Variants in CLASP2 observed in about 807,000 individuals in gnomAD.
CLASP2 encodes the protein CLIP-associating protein 2.
Under a neutral mutation model 194.4 loss-of-function variants are expected in CLASP2, and 47 were observed. The observed-to-expected ratio is 0.24, with a 90% CI of 0.19 to 0.31. The LOEUF is 0.31. CLASP2 is among the 10% of genes least tolerant of loss of function. CLASP2 has a pLI of 1.00. For synonymous variants in CLASP2, 619 were observed against 633.5 expected, an observed-to-expected ratio of 0.98 and a Z score of 0.34; for missense variants, 1,445 against 1,823.6, an observed-to-expected ratio of 0.79 and a Z score of 3.78.
rs1400769457 is a variant in CLASP2, at chr3:33,709,187, T to C, written c.195+8621A>G. ...CAAAAAATCACTGCCAAGACCAAAG[T>C]CAAGGATATTTCCCCCTATGTTTTC... On this transcript the variant is annotated intron_variant, in intron 1 of 38. Transcript: ENST00000682230. Among the ~76,000 whole-genome samples the C allele has an allele frequency of 4.9e-4, 74 of 152,222 alleles. 1 individual carries two copies. The highest frequency in any genetic ancestry group is 4.8e-3 in the Admixed American group (74 of 15,274).
At chr3:33,710,766 C>G (rs973190066) in intron 1 of CLASP2, among the ~76,000 whole-genome samples, 1 of 152,152 alleles carries the variant, frequency 6.6e-6, no homozygotes, top group African/African-American at 2.4e-5. Flanking sequence ...GAAACCCCGT[C>G]TCTACTAAAA....
chr3:33,717,752 G>T, intron 1 of CLASP2, 56 bp downstream of exon 1: 1 of 1,532,506 alleles, frequency 6.5e-7, no homozygotes, highest in Non-Finnish European at 8.8e-7. Context: ...TCGCGTCCGG[G>T]ATTAAAGGGC....
chr3:33,681,658 A>T (rs1011450337), intron 6 of CLASP2, among the ~76,000 whole-genome samples: 1 of 152,366 alleles, frequency 6.6e-6, no homozygotes, highest in African/African-American at 2.4e-5. Flanking sequence ...GAGTACATAA[A>T]GGTTTTAAAA....
At chr3:33,706,535 T>C (rs2092692790) in intron 1 of CLASP2, among the ~76,000 whole-genome samples, 1 of 152,144 alleles carries the variant, frequency 6.6e-6, no homozygotes, top group South Asian at 2.1e-4. Context: ...AAAAATACAG[T>C]TAACAGTCTT....
chr3:33,573,387 C>G, intron 24 of CLASP2, 33 bp from the exon 25 acceptor site: 4 of 1,604,580 alleles, frequency 2.5e-6, no homozygotes, highest in East Asian at 2.2e-5. Flanking sequence ...TTAGCAGTAG[C>G]CAAAAGAATA....
chr3:33,544,949 C>T (rs1559954335), intron 30 of CLASP2, 108 bp from the exon 31 acceptor site: 2 of 706,526 alleles, frequency 2.8e-6, no homozygotes, highest in Non-Finnish European at 2.1e-6. Context: ...CCATCTTTCC[C>T]AGGGAAAAGG....
Position 33,597,845 on chromosome 3 carries a change from C to G in CLASP2, c.1925-1111G>C, listed in dbSNP as rs9836275. Among the ~76,000 whole-genome samples the G allele has an allele frequency of 5.1e-3, 778 of 151,998 alleles. 9 individuals are homozygous for G. Among genetic ancestry groups the G allele is most frequent in the African/African-American group, 0.018 (757 of 41,448 alleles). On this transcript the variant is annotated intron_variant, in intron 18 of 38. Transcript: ENST00000682230. Reference sequence around the variant, plus strand: ...TCATCTCACTGCAGCCTCCACCTCCCAGGTTCAAGTGATTCTTGTGCCTCA... The same window carrying G: ...TCATCTCACTGCAGCCTCCACCTCCGAGGTTCAAGTGATTCTTGTGCCTCA...
chr3:33,642,811 G>C (rs1338392515), intron 8 of CLASP2, among the ~76,000 whole-genome samples: 1 of 151,132 alleles, frequency 6.6e-6, no homozygotes, highest in African/African-American at 2.4e-5. Context: ...TTCTTAGATA[G>C]AAAAATGGGC....
chr3:33,525,485 C>G (rs950685021), intron 34 of CLASP2, among the ~76,000 whole-genome samples: 1 of 152,010 alleles, frequency 6.6e-6, no homozygotes, highest in Non-Finnish European at 1.5e-5. Flanking sequence ...TAAGACAGGA[C>G]AGCAGCCCAC....
At chr3:33,708,322 T>G (rs1488058280) in intron 1 of CLASP2, among the ~76,000 whole-genome samples, 1 of 150,830 alleles carries the variant, frequency 6.6e-6, no homozygotes, top group African/African-American at 2.4e-5. Context: ...AAAAGTAAGA[T>G]CATGCCATAT....
intron 1 of CLASP2, among the ~76,000 whole-genome samples, chr3:33,705,302 G>A (rs1333416360): frequency 6.6e-6 from 1 of 152,156 alleles, no homozygotes; most frequent in African/African-American, 2.4e-5. Flanking sequence ...GAGGCTACAT[G>A]TTATATGGTT....
At chr3:33,676,824 T>C (rs1429566477) in intron 6 of CLASP2, among the ~76,000 whole-genome samples, 4 of 152,214 alleles carry the variant, frequency 2.6e-5, no homozygotes, top group African/African-American at 9.6e-5. Flanking sequence ...GGCTAATATC[T>C]AGAATCTACA....
intron 20 of CLASP2, 86 bp downstream of exon 20, chr3:33,594,865 C>T (rs1444523882): frequency 3.0e-6 from 2 of 674,136 alleles, no homozygotes; most frequent in Non-Finnish European, 4.4e-6. Context: ...AGAAATTAGC[C>T]TATTTTAGTT....
chr3:33,535,974 T>C (rs58799216), intron 33 of CLASP2, among the ~76,000 whole-genome samples: 188 of 150,418 alleles, frequency 1.2e-3, no homozygotes, highest in African/African-American at 4.5e-3. Flanking sequence ...TTTGGAAGGA[T>C]GCCAAAAGAA....
chr3:33,540,228 C>A (rs1042330455), intron 32 of CLASP2, among the ~76,000 whole-genome samples: 2 of 123,184 alleles, frequency 1.6e-5, no homozygotes, highest in African/African-American at 6.1e-5. Flanking sequence ...CTGTGACTGG[C>A]CAAATTTTTT....
intron 6 of CLASP2, among the ~76,000 whole-genome samples, chr3:33,675,726 A>C (rs1476169620): frequency 2.1e-5 from 3 of 143,916 alleles, no homozygotes; most frequent in African/African-American, 7.5e-5. Context: ...GTTGATAAGC[A>C]ACTTCAGCAA....
chr3:33,571,706 C>T (rs917884398), intron 25 of CLASP2, among the ~76,000 whole-genome samples: 17 of 151,550 alleles, frequency 1.1e-4, no homozygotes, highest in African/African-American at 3.1e-4. Flanking sequence ...GTACCAGCTA[C>T]GTGGGAGGGT....
chr3:33,716,549 G>T (rs911811955), intron 1 of CLASP2, among the ~76,000 whole-genome samples: 8 of 152,316 alleles, frequency 5.3e-5, no homozygotes, highest in Admixed American at 5.2e-4. Flanking sequence ...TTCTACAACA[G>T]TCTATGCTGT....
At chr3:33,640,488 A>G (rs2081074774) in intron 8 of CLASP2, among the ~76,000 whole-genome samples, 1 of 152,210 alleles carries the variant, frequency 6.6e-6, no homozygotes. Flanking sequence ...AGTCTTTGAC[A>G]TTAGATAGAA....
Sources: gnomAD v4.1 joint callset for allele counts (sites outside exome capture counted in the v4.1 genomes callset) on GRCh38, gnomAD v4.1.1 for gene constraint, MANE v1.5 for transcripts, NCBI Gene and HGNC (gene_info 2026-07-23, HGNC 2026-07-21) for gene names.